Variants in ANKZF1 observed in about 807,000 individuals in gnomAD.
ANKZF1 encodes ankyrin repeat and zinc finger peptidyl tRNA hydrolase 1.
ANKZF1 carries 84 observed loss-of-function variants against 86.0 expected under a neutral mutation model. The observed-to-expected ratio is 0.98, with a 90% CI of 0.82 to 1.17. The LOEUF (loss-of-function observed/expected upper bound fraction) is 1.17. Ranked by LOEUF, ANKZF1 falls within the 50% of genes most tolerant of loss-of-function variation. The pLI is 0.00. For missense variants in ANKZF1, 893 were observed against 918.4 expected, an observed-to-expected ratio of 0.97 and a Z score of 0.36; for synonymous variants, 331 against 354.2, an observed-to-expected ratio of 0.93 and a Z score of 0.74.
chr2:219,231,800 C>T (rs1031116251), intron 2 of ANKZF1, 128 bp from the exon 3 acceptor site: 4 of 719,490 alleles, frequency 5.6e-6, no homozygotes, highest in African/African-American at 5.3e-5. Flanking sequence ...AGTGTAAATT[C>T]CTTGAAGGCA....
In ANKZF1 at chr2:219,235,806, G is replaced by A. The variant is rs765440392; in HGVS notation, c.1902G>A (p.Arg634=). Residue 634 remains arginine, a synonymous_variant, in exon 12 of 14, where the codon AGG becomes AGA. Coordinates refer to ENST00000323348, the MANE Select transcript of ANKZF1 (RefSeq NM_018089.3). ...GGCAACGGGAGGAACAGCAGCAGAG[G>A]CAGCAGGAGCAGGAGGAGCGTGAAC... ...ARRQREEQQQ[R]QQEQEERERE... The A allele has an allele frequency of 6.2e-7, 1 of 1,614,236 alleles. No individual in the cohort carries two copies. The highest frequency in any genetic ancestry group is 8.5e-7 in the Non-Finnish European group (1 of 1,180,048).
Position 219,230,422 on chromosome 2 carries a change from C to T in ANKZF1, c.148+17C>T, listed in dbSNP as rs975298146. On this transcript the variant is annotated intron_variant, in intron 2 of 13. Coordinates refer to ENST00000323348, the MANE Select transcript of ANKZF1 (RefSeq NM_018089.3). ...CCTGTTCAGGTATCCTGGAAGGTTT[C>T]GTGTGAAACGTGACAGGGCTCCTTA... is the stretch of plus-strand genomic sequence containing the variant. 2.5e-6 allele frequency: 4 copies of T among 1,591,802 alleles called. No homozygotes were observed. The highest frequency in any genetic ancestry group is 3.4e-6 in the Non-Finnish European group (4 of 1,163,870).
chr2:219,231,889 G>C, intron 2 of ANKZF1, 39 bp from the exon 3 acceptor site: 1 of 1,527,580 alleles, frequency 6.5e-7, no homozygotes. Flanking sequence ...TGTGGATTTG[G>C]GCTCCCTTTC....
intron 9 of ANKZF1, 34 bp from the exon 10 acceptor site, chr2:219,234,792 C>T (rs763885416): frequency 2.6e-5 from 41 of 1,586,014 alleles, no homozygotes; most frequent in East Asian, 1.3e-4. Context: ...TGAGTACTCC[C>T]TAGATGGATT....
chr2:219,235,349 T>G, intron 10 of ANKZF1, 37 bp downstream of exon 10: 1 of 1,598,340 alleles, frequency 6.3e-7, no homozygotes, highest in Non-Finnish European at 8.5e-7. Flanking sequence ...ATTTTGGGTA[T>G]AGAGAGGATA....
chr2:219,235,362 T>G, intron 10 of ANKZF1, 50 bp downstream of exon 10: 1 of 1,595,542 alleles, frequency 6.3e-7, no homozygotes, highest in South Asian at 1.1e-5. Flanking sequence ...AGAGGATAAT[T>G]TGGAGGTTAA....
chr2:219,233,549 G>A (rs74482295), intron 7 of ANKZF1, 116 bp downstream of exon 7: 68,344 of 1,411,202 alleles, frequency 0.048, 1,907 homozygotes, highest in Middle Eastern at 0.059. Context: ...TTCATTATAG[G>A]TAGACAAAGG....
At chr2:219,236,286 G>C in intron 13 of ANKZF1, 36 bp from the exon 14 acceptor site, 1 of 1,613,290 alleles carries the variant, frequency 6.2e-7, no homozygotes, top group Non-Finnish European at 8.5e-7. Context: ...AAGTTTCTGG[G>C]GTACCTGTCC....
chr2:219,235,613 A>G, intron 11 of ANKZF1, 28 bp downstream of exon 11: 1 of 1,613,402 alleles, frequency 6.2e-7, no homozygotes, highest in Non-Finnish European at 8.5e-7. Context: ...GGACAAGCAG[A>G]GTGGGAAGGC....
chr2:219,235,961 C>G (rs2293078), intron 12 of ANKZF1, 49 bp from the exon 13 acceptor site: 180,773 of 1,613,766 alleles, frequency 0.11, 11,682 homozygotes, highest in African/African-American at 0.22. Flanking sequence ...CTCTTGGGTG[C>G]CCTACTCGCC....
Position 219,236,347 on chromosome 2 carries a change from C to G in ANKZF1, c.2083C>G (p.Leu695Val), listed in dbSNP as rs767069000. 2 of 1,614,024 alleles carry G rather than the reference C, an allele frequency of 1.2e-6. No individual in the cohort carries two copies. The highest frequency in any genetic ancestry group is 8.5e-7 in the Non-Finnish European group (1 of 1,180,036). The change falls in exon 14 of 14, where the codon CTC (leucine) becomes GTC (valine). Residue 695 changes from leucine (L) to valine (V), a missense_variant. By Grantham distance (32) the Leu-to-Val change is conservative (BLOSUM62 1). Coordinates refer to ENST00000323348, the MANE Select transcript of ANKZF1 (RefSeq NM_018089.3). Reference protein sequence around the residue: ...TRRCWSCGASLQGLTPFHYLD... With the variant: ...TRRCWSCGASVQGLTPFHYLD... Reference sequence around the variant, plus strand: ...ACGCTGCTGGAGTTGTGGGGCATCCCTCCAAGGCCTGACTCCCTTTCACTA... The same window carrying G: ...ACGCTGCTGGAGTTGTGGGGCATCCGTCCAAGGCCTGACTCCCTTTCACTA...
rs1281554628 is a variant in ANKZF1, at chr2:219,232,642, CA to C, written c.518del (p.Gln173ArgfsTer10). 6.2e-7 allele frequency: 1 copy of C among 1,614,032 alleles called. No homozygotes were observed. The highest frequency in any genetic ancestry group is 8.5e-7 in the Non-Finnish European group (1 of 1,180,048). ...AGTTCTTTTCCAGAATGCCCAGGGC[CA>C]GTTTCTTTATGCCTACCGCTGTGTC... Reference protein sequence around the residue: ...HRVLFQNAQGQFLYAYRCVLG... With the variant: ...HRVLFQNAQGXFLYAYRCVLG... On this transcript the variant is annotated frameshift_variant, in exon 5 of 14. Coordinates refer to ENST00000323348, the MANE Select transcript of ANKZF1 (RefSeq NM_018089.3). LOFTEE classifies it high-confidence loss of function.
rs1951200970 is a variant in ANKZF1 at position 219,235,799 on chromosome 2, A to G, written c.1895A>G (p.Gln632Arg). 1.2e-6 allele frequency: 2 copies of G among 1,614,118 alleles called. No individual in the cohort carries two copies. Among genetic ancestry groups the G allele is most frequent in the East Asian group, 2.2e-5 (1 of 44,902 alleles). ...GCCCGGCGGCAACGGGAGGAACAGC[A>G]GCAGAGGCAGCAGGAGCAGGAGGAG... is the stretch of plus-strand genomic sequence containing the variant. ...KAARRQREEQ[Q>R]QRQQEQEERE... The change falls in exon 12 of 14, where the codon CAG becomes CGG. Residue 632 changes from glutamine (Q) to arginine (R), a missense_variant. Transcript: ENST00000323348.
chr2:219,233,114 C>A lies in ANKZF1; in HGVS notation c.594C>A (p.Asn198Lys), dbSNP rs749857095. ...PPEEAELLLQ[N>K]LQSRGPRDCV... ...AAGAGGCAGAACTGCTGCTACAGAACCTGCAAAGTAGAGGTCCCAGAGACT... is the reference window on the plus strand; with the variant it reads ...AAGAGGCAGAACTGCTGCTACAGAAACTGCAAAGTAGAGGTCCCAGAGACT... Residue 198 changes from asparagine to lysine, a missense_variant, in exon 6 of 14, where the codon AAC becomes AAA. Physicochemically the swap from Asn to Lys is moderately conservative, Grantham distance 94 (BLOSUM62 0). Transcript: ENST00000323348. 2.5e-6 allele frequency: 4 copies of A among 1,614,034 alleles called. No homozygotes were observed. The highest frequency in any genetic ancestry group is 3.4e-6 in the Non-Finnish European group (4 of 1,180,042).
In ANKZF1 at chr2:219,235,847, G is replaced by A. The variant is rs777378300; in HGVS notation, c.1943G>A (p.Arg648Gln). 6.8e-6 allele frequency: 11 copies of A among 1,614,060 alleles called. No homozygotes were observed. The highest frequency in any genetic ancestry group is 4.4e-5 in the South Asian group (4 of 91,086). The change falls in exon 12 of 14, where the codon CGA (arginine) becomes CAA (glutamine). Residue 648 changes from arginine (R) to glutamine (Q), a missense_variant. Coordinates refer to ENST00000323348, the MANE Select transcript of ANKZF1 (RefSeq NM_018089.3). ...QEEREREEQR[R>Q]FAALSDREKR... ...GAGCGTGAACGAGAAGAGCAGCGGC[G>A]ATTTGCCGCCCTCAGTGACCGAGAG...
rs1321351516 is a variant in ANKZF1 at position 219,236,587 on chromosome 2, G to T, written c.*142G>T. 2 of 1,127,948 alleles carry T rather than the reference G, an allele frequency of 1.8e-6. No individual in the cohort carries two copies. The highest frequency in any genetic ancestry group is 1.2e-6 in the Non-Finnish European group (1 of 807,858). The allele number at this position is 1,127,948 out of a possible 1,614,324, so 69.9% of individuals were successfully genotyped here. ...CACTCGGGAACTAGGGCAAAGACAG[G>T]GCTAGAGGTATGTGGAGCTGGTACT... On this transcript the variant is annotated 3_prime_UTR_variant, in exon 14 of 14. Transcript: ENST00000323348.
rs1305018761 is a variant in ANKZF1, at chr2:219,230,253, C to T, written c.-5C>T. On this transcript the variant is annotated 5_prime_UTR_variant, in exon 2 of 14. Coordinates refer to ENST00000323348, the MANE Select transcript of ANKZF1 (RefSeq NM_018089.3). Reference sequence around the variant, plus strand: ...GAGCTGCTGCTAAATAATTTCTGCTCAGCCATGTCGCCGGCTCCAGATGCA... The same window carrying T: ...GAGCTGCTGCTAAATAATTTCTGCTTAGCCATGTCGCCGGCTCCAGATGCA... 1 of 1,612,412 alleles carries T rather than the reference C, an allele frequency of 6.2e-7. No homozygotes were observed. The highest frequency in any genetic ancestry group is 8.5e-7 in the Non-Finnish European group (1 of 1,178,992).
rs537199833 is a variant in ANKZF1 at position 219,235,276 on chromosome 2, G to A, written c.1655G>A (p.Arg552His). 1.8e-5 allele frequency: 29 copies of A among 1,611,556 alleles called. 1 individual carries two copies. Among genetic ancestry groups the A allele is most frequent in the Middle Eastern group, 3.3e-4 (2 of 6,048 alleles). ...AAAAGRGSVV[R>H]LLLEAGADPT... is the part of the protein sequence containing the mutation. The stretch of plus-strand genomic sequence containing the variant: ...GCAGCTGGAAGAGGCTCAGTGGTTC[G>A]TCTGCTGCTGGAAGCAGGTGCTGAC... Residue 552 changes from arginine to histidine, a missense_variant, in exon 10 of 14, where the codon CGT becomes CAT. Arg to His is a conservative substitution (Grantham distance 29, BLOSUM62 0). Coordinates refer to ENST00000323348, the MANE Select transcript of ANKZF1 (RefSeq NM_018089.3).
chr2:219,234,394 C>T (rs899059792), intron 9 of ANKZF1, 106 bp downstream of exon 9: 1 of 1,365,260 alleles, frequency 7.3e-7, no homozygotes, highest in Non-Finnish European at 1.0e-6. Context: ...TAAACACACA[C>T]CCACAGTGTC....
Sources: gnomAD v4.1 joint callset for allele counts on GRCh38, gnomAD v4.1.1 for gene constraint, MANE v1.5 for transcripts, NCBI Gene and HGNC (gene_info 2026-07-23, HGNC 2026-07-21) for gene names.